The following ATXN2 variants were observed in gnomAD, a reference collection of about 807,000 sequenced individuals.
The protein encoded by ATXN2 is ataxin 2.
ATXN2 carries 37 observed loss-of-function variants against 138.6 expected under a neutral mutation model. The observed-to-expected ratio is 0.27, with a 90% CI of 0.21 to 0.35. ATXN2 has a LOEUF of 0.35. Ranked by LOEUF, ATXN2 falls within the 10% of genes least tolerant of loss-of-function variation. ATXN2 has a pLI of 1.00. For missense variants in ATXN2, 1,216 were observed against 1,480.3 expected (o/e 0.82, Z 2.93); for synonymous variants, 549 against 543.7 (o/e 1.01, Z -0.13).
intron 14 of ATXN2, among the ~76,000 whole-genome samples, chr12:111,503,606 C>CTA (rs1566028720): frequency 6.7e-6 from 1 of 149,502 alleles, no homozygotes. Flanking sequence ...TTTCCACTCT[C>CTA]TTTTTTTTTC....
chr12:111,544,196 C>A (rs1881685730), intron 5 of ATXN2, among the ~76,000 whole-genome samples: 1 of 152,142 alleles, frequency 6.6e-6, no homozygotes, highest in Non-Finnish European at 1.5e-5. Flanking sequence ...ACTAGGTTCT[C>A]AAAAGGGACC....
chr12:111,598,016 C>G lies in ATXN2; in HGVS notation c.251+768G>C, dbSNP rs1005682999. On this transcript the variant is annotated intron_variant, in intron 1 of 24. Transcript: ENST00000673436. The surrounding 1 kb of genome is among the most constrained non-coding windows in gnomAD (Gnocchi z 4.5). ...GGTCTGGCGGGGGAAGGAGGAAGGC[C>G]GGGACGGGGCCGGGCACTCCCCACC... 27 of 1,191,938 alleles carry G rather than the reference C, an allele frequency of 2.3e-5. No homozygotes were observed. Among genetic ancestry groups the G allele is most frequent in the Non-Finnish European group, 2.7e-5 (25 of 941,410 alleles). The allele number at this position is 1,191,938 out of a possible 1,614,324, so 73.8% of individuals were successfully genotyped here.
At chr12:111,599,329 G>A, upstream of ATXN2, 7 of 1,168,550 alleles carry the variant, frequency 6.0e-6, no homozygotes, top group South Asian at 4.2e-5. Context: ...GGGAGGGAGG[G>A]GGGCCGGGGC....
chr12:111,464,582 C>G, intron 21 of ATXN2, 80 bp downstream of exon 21: 1 of 1,061,828 alleles, frequency 9.4e-7, no homozygotes, highest in Admixed American at 2.0e-5. Context: ...TATTGTTCAA[C>G]AAGTCTACTC....
At chr12:111,585,801 CAAAAA>C (rs761433806) in intron 1 of ATXN2, among the ~76,000 whole-genome samples, 37 of 24,796 alleles carry the variant, frequency 1.5e-3, no homozygotes, top group Non-Finnish European at 5.3e-3. Context: ...AACTCCATCT[CAAAAA>C]AAAAAAAAAA....
At chr12:111,545,956 T>C (rs1472992260) in intron 5 of ATXN2, among the ~76,000 whole-genome samples, 5 of 130,036 alleles carry the variant, frequency 3.8e-5, no homozygotes, top group Admixed American at 3.4e-4. Context: ...CAGAGCAAGA[T>C]CATCTGAAAA....
chr12:111,598,922 T>C lies in ATXN2; in HGVS notation c.113A>G (p.Lys38Arg). ...QPPPAAANVRKPGGSGLLASP... is the reference protein window; with the variant it reads ...QPPPAAANVRRPGGSGLLASP... ...CGCTAGAAGGCCGCTGCCGCCGGGC[T>C]TGCGGACATTGGCAGCCGCGGGCGG... The change falls in exon 1 of 25, where the codon AAG (lysine) becomes AGG (arginine). Residue 38 changes from lysine (K) to arginine (R), a missense_variant. By Grantham distance (26) the Lys-to-Arg change is conservative. Around this residue, in one of 4 missense-constraint regions of ATXN2, gnomAD observed 110 missense variants for 88.7 expected, o/e 1.24. Transcript: ENST00000673436. The surrounding 1 kb of genome is among the most constrained non-coding windows in gnomAD (Gnocchi z 4.5). 2.6e-6 allele frequency: 4 copies of C among 1,511,522 alleles called. No homozygotes were observed. Among genetic ancestry groups the C allele is most frequent in the Non-Finnish European group, 2.6e-6 (3 of 1,135,408 alleles). The allele number at this position is 1,511,522 out of a possible 1,614,324, so 93.6% of individuals were successfully genotyped here. A position where few individuals can be genotyped will look rare whatever the true frequency, so the allele number is the denominator to read the frequency against.
intron 18 of ATXN2, among the ~76,000 whole-genome samples, chr12:111,473,055 T>C (rs927366094): frequency 6.6e-6 from 1 of 152,070 alleles, no homozygotes; most frequent in Non-Finnish European, 1.5e-5. Flanking sequence ...GGCAGACTGC[T>C]TGAGCTCAGG....
intron 1 of ATXN2, among the ~76,000 whole-genome samples, chr12:111,587,144 C>A (rs970652523): frequency 6.7e-6 from 1 of 149,364 alleles, no homozygotes; most frequent in African/African-American, 2.4e-5. Context: ...GACATTTAGT[C>A]TTCAATTCCT....
rs1566090875 is a variant in ATXN2, at chr12:111,598,952, T to TGCTGCG, written c.82_83insCGCAGC (p.Gln27_Gln28insProGln). On this transcript the variant is annotated inframe_insertion, in exon 1 of 25. Transcript: ENST00000673436. This position sits in a 1 kb window ranked among gnomAD's most constrained non-coding sequence, Gnocchi z 4.5. ...GACATTGGCAGCCGCGGGCGGCGGCTGCTGCTGCTGCTGCTGCTGCTGCTG... is the reference window on the plus strand; with the variant it reads ...GACATTGGCAGCCGCGGGCGGCGGCTGCTGCGGCTGCTGCTGCTGCTGCTGCTGCTG... 1.5e-4 allele frequency: 4 copies of TGCTGCG among 25,922 alleles called. No homozygotes were observed. Among genetic ancestry groups the TGCTGCG allele is most frequent in the African/African-American group, 2.2e-4 (1 of 4,508 alleles). The allele number at this position is 25,922 out of a possible 1,614,324, so 1.6% of individuals were successfully genotyped here. A position where few individuals can be genotyped will look rare whatever the true frequency, so the allele number is the denominator to read the frequency against.
rs71445545 is a variant in ATXN2 at position 111,464,247 on chromosome 12, G to GGGGTGTGT, written c.2896+414_2896+415insACACACCC. Among the ~76,000 whole-genome samples the GGGGTGTGT allele has an allele frequency of 1.2e-3, 166 of 134,712 alleles. 2 individuals are homozygous for GGGGTGTGT. In the South Asian group the frequency reaches 0.013, roughly 10 times the overall value. The allele number at this position is 134,712 out of a possible 152,430, so 88.4% of individuals were successfully genotyped here. A position where few individuals can be genotyped will look rare whatever the true frequency, so the allele number is the denominator to read the frequency against. On this transcript the variant is annotated intron_variant, in intron 21 of 24. Transcript: ENST00000673436. Reference sequence around the variant, plus strand: ...AGTTTATACCAAGCTTGTGGCTTGGGGTGTGTGTGTGTGTGTGTGTGTGTG... The same window carrying GGGGTGTGT: ...AGTTTATACCAAGCTTGTGGCTTGGGGGGTGTGTGTGTGTGTGTGTGTGTGTGTGTGTG...
At chr12:111,513,962 A>T (rs893053963) in intron 10 of ATXN2, among the ~76,000 whole-genome samples, 1 of 152,098 alleles carries the variant, frequency 6.6e-6, no homozygotes, top group Non-Finnish European at 1.5e-5. Context: ...CCCTGACCCG[A>T]ATTTTCTACA....
At chr12:111,589,187 C>G (rs769615714) in intron 1 of ATXN2, among the ~76,000 whole-genome samples, 1 of 149,952 alleles carries the variant, frequency 6.7e-6, no homozygotes. Context: ...TGGTGGCACA[C>G]AGCTGTTATC....
intron 21 of ATXN2, among the ~76,000 whole-genome samples, chr12:111,464,371 A>G (rs1318091518): frequency 8.0e-5 from 11 of 137,486 alleles, no homozygotes; most frequent in African/African-American, 2.8e-5. Flanking sequence ...GTGTGTGTGT[A>G]TAAAGCTGTT....
intron 19 of ATXN2, 40 bp downstream of exon 19, chr12:111,470,518 T>A: frequency 1.3e-6 from 2 of 1,592,690 alleles, no homozygotes; most frequent in Non-Finnish European, 1.7e-6. Context: ...AGTTTTTTTA[T>A]ATGGTACAAA....
intron 1 of ATXN2, among the ~76,000 whole-genome samples, chr12:111,556,827 A>T (rs1882415300): frequency 6.6e-6 from 1 of 151,874 alleles, no homozygotes; most frequent in African/African-American, 2.4e-5. Context: ...AAAAAAAAAA[A>T]AGAAAGAAAA....
intron 11 of ATXN2, 32 bp downstream of exon 11, chr12:111,513,325 G>A: frequency 4.4e-6 from 7 of 1,602,588 alleles, no homozygotes; most frequent in Non-Finnish European, 6.0e-6. Flanking sequence ...ATGACAAAAT[G>A]AGTACCATCA....
chr12:111,497,692 T>C (rs931115306), intron 14 of ATXN2, among the ~76,000 whole-genome samples: 4 of 151,734 alleles, frequency 2.6e-5, no homozygotes, highest in African/African-American at 7.3e-5. Context: ...ATATATAATT[T>C]ATATCACATA....
At chr12:111,482,042 C>T (rs994621413) in intron 18 of ATXN2, among the ~76,000 whole-genome samples, 6 of 152,076 alleles carry the variant, frequency 3.9e-5, no homozygotes, top group African/African-American at 1.4e-4. Flanking sequence ...TGTTCATCAA[C>T]TGATGATAGG....
Sources: allele counts gnomAD v4.1 joint callset (sites outside exome capture counted in the v4.1 genomes callset), GRCh38; gene constraint gnomAD v4.1.1; regional missense constraint gnomAD v4.1.1; non-coding constraint Gnocchi (gnomAD v3.1); transcripts MANE v1.5; gene names NCBI Gene and HGNC (gene_info 2026-07-23, HGNC 2026-07-21).